The following TTC17 variants were observed in gnomAD, a reference collection of about 807,000 sequenced individuals.
TTC17 encodes the protein tetratricopeptide repeat protein 17.
A neutral mutation model predicts 143.8 loss-of-function variants in TTC17; 58 were observed. The observed-to-expected ratio is 0.40, with a 90% CI of 0.33 to 0.50. The LOEUF (loss-of-function observed/expected upper bound fraction) is 0.50, where lower values mean the gene tolerates loss of function less well. Among genes scored for constraint, TTC17 ranks in the 20% least tolerant of loss-of-function variants. TTC17 has a pLI of 0.49. For missense variants in TTC17, 1,273 were observed against 1,392.5 expected (o/e 0.91, Z 1.37); for synonymous variants, 501 against 497.8 (o/e 1.01, Z -0.09).
intron 21 of TTC17, among the ~76,000 whole-genome samples, chr11:43,463,907 C>T (rs1564974691): frequency 6.6e-6 from 1 of 152,142 alleles, no homozygotes; most frequent in South Asian, 2.1e-4. Flanking sequence ...ATGGCAATTT[C>T]GAATACTGTA....
At chr11:43,456,974 A>G (rs1408774096) in intron 21 of TTC17, among the ~76,000 whole-genome samples, 2 of 152,142 alleles carry the variant, frequency 1.3e-5, no homozygotes, top group African/African-American at 4.8e-5. Flanking sequence ...AGAGCCAGCC[A>G]TAAGCATATG....
At chr11:43,401,354 A>G (rs1231503827) in intron 9 of TTC17, 92 bp from the exon 10 acceptor site, 7 of 787,774 alleles carry the variant, frequency 8.9e-6, no homozygotes, top group South Asian at 1.7e-5. Flanking sequence ...TCTGAGGGAT[A>G]CAGGGTTGAT....
At chr11:43,449,573 T>C (rs1194504510) in intron 19 of TTC17, 1 of 152,432 alleles carries the variant, frequency 6.6e-6, no homozygotes, top group Non-Finnish European at 1.5e-5. Flanking sequence ...ATTATTATAG[T>C]CCTTGTATCT....
chr11:43,467,162 C>T (rs571029930), intron 21 of TTC17, among the ~76,000 whole-genome samples: 2 of 152,288 alleles, frequency 1.3e-5, no homozygotes, highest in Admixed American at 6.5e-5. Flanking sequence ...TTCAGCAGTT[C>T]CACTCCTGGA....
chr11:43,426,199 C>G (rs2134664344), intron 16 of TTC17, among the ~76,000 whole-genome samples: 1 of 152,242 alleles, frequency 6.6e-6, no homozygotes, highest in Admixed American at 6.5e-5. Context: ...AATTAATAAT[C>G]AATTCACCAC....
At chr11:43,465,943 A>C (rs1305193587) in intron 21 of TTC17, among the ~76,000 whole-genome samples, 2 of 152,236 alleles carry the variant, frequency 1.3e-5, no homozygotes, top group African/African-American at 4.8e-5. Flanking sequence ...GACTATATTA[A>C]AGTTTAAAAC....
intron 1 of TTC17, among the ~76,000 whole-genome samples, chr11:43,361,978 C>CTT (rs35924919): frequency 3.8e-4 from 51 of 134,964 alleles, no homozygotes; most frequent in African/African-American, 1.3e-3. Context: ...ATCATTATAA[C>CTT]TTTTTTTTTT....
intron 1 of TTC17, among the ~76,000 whole-genome samples, chr11:43,367,557 C>T (rs183844394): frequency 6.6e-6 from 1 of 152,122 alleles, no homozygotes; most frequent in Non-Finnish European, 1.5e-5. Context: ...AAACAGAAGG[C>T]GCTCTGATAG....
At chr11:43,375,151 A>G (rs184668263) in intron 1 of TTC17, among the ~76,000 whole-genome samples, 1 of 152,328 alleles carries the variant, frequency 6.6e-6, no homozygotes, top group Non-Finnish European at 1.5e-5. Context: ...CTCAGGCCCC[A>G]TGTAGATACA....
chr11:43,411,798 T>C (rs10501298), intron 15 of TTC17, among the ~76,000 whole-genome samples: 35,332 of 152,052 alleles, frequency 0.23, 6,212 homozygotes, highest in African/African-American at 0.48. Context: ...TGGGTGTGAA[T>C]TACTAAGTAA....
chr11:43,365,881 T>C (rs532058199), intron 1 of TTC17, among the ~76,000 whole-genome samples: 1 of 152,224 alleles, frequency 6.6e-6, no homozygotes, highest in Admixed American at 6.5e-5. Context: ...CCAGTTTTTT[T>C]AAACTCTGTA....
At chr11:43,420,589 G>A (rs546083434) in intron 16 of TTC17, among the ~76,000 whole-genome samples, 2 of 152,248 alleles carry the variant, frequency 1.3e-5, no homozygotes, top group Admixed American at 1.3e-4. Context: ...TATTAGCTTA[G>A]TAGACAGTAT....
At chr11:43,420,863 G>T (rs1436150839) in intron 16 of TTC17, among the ~76,000 whole-genome samples, 1 of 152,112 alleles carries the variant, frequency 6.6e-6, no homozygotes, top group Non-Finnish European at 1.5e-5. Context: ...AGTCATTATA[G>T]GTTGTTAGCC....
chr11:43,365,013 C>T (rs1856275344), intron 1 of TTC17, among the ~76,000 whole-genome samples: 1 of 152,016 alleles, frequency 6.6e-6, no homozygotes, highest in African/African-American at 2.4e-5. Context: ...CCTGGTCAGG[C>T]TGGTCTCAAA....
chr11:43,378,194 C>T (rs780002146), intron 1 of TTC17, among the ~76,000 whole-genome samples: 5 of 152,152 alleles, frequency 3.3e-5, no homozygotes, highest in African/African-American at 7.2e-5. Flanking sequence ...TAAGCCACCG[C>T]GCCCAGCCTT....
intron 1 of TTC17, among the ~76,000 whole-genome samples, chr11:43,364,818 AT>A (rs956087815): frequency 1.4e-4 from 22 of 152,136 alleles, no homozygotes; most frequent in African/African-American, 5.1e-4. Context: ...TTATTTATTT[AT>A]TTTGAGACAG....
chr11:43,380,565 A>G (rs1024909343), intron 2 of TTC17, among the ~76,000 whole-genome samples: 12 of 152,362 alleles, frequency 7.9e-5, no homozygotes, highest in African/African-American at 2.9e-4. Context: ...AAAAGCTGGC[A>G]TACCTGTTAA....
chr11:43,426,789 A>T (rs990700209), intron 16 of TTC17, among the ~76,000 whole-genome samples: 1 of 152,182 alleles, frequency 6.6e-6, no homozygotes, highest in Admixed American at 6.5e-5. Flanking sequence ...TTGAGGAGAA[A>T]AAAAGACAAA....
intron 21 of TTC17, chr11:43,486,426 C>A (rs377586849): frequency 2.2e-6 from 1 of 452,072 alleles, no homozygotes; most frequent in African/African-American, 2.0e-5. Flanking sequence ...GCATCCACCG[C>A]GGGTCTTGGA....
Sources: allele counts gnomAD v4.1 joint callset (sites outside exome capture counted in the v4.1 genomes callset), GRCh38; gene constraint gnomAD v4.1.1; transcripts MANE v1.5; gene names NCBI Gene and HGNC (gene_info 2026-07-23, HGNC 2026-07-21).